Variants in PRKCB observed in about 807,000 individuals in gnomAD.
PRKCB encodes the protein protein kinase C beta type.
A neutral mutation model predicts 81.5 loss-of-function variants in PRKCB; 13 were observed. That is an observed-to-expected ratio of 0.16 (90% confidence interval 0.10 to 0.25). The LOEUF (loss-of-function observed/expected upper bound fraction) is 0.25, where lower values mean the gene tolerates loss of function less well. PRKCB is among the 10% of genes least tolerant of loss of function. PRKCB has a pLI of 1.00. For synonymous variants in PRKCB, 335 were observed against 321.4 expected, an observed-to-expected ratio of 1.04 and a Z score of -0.45; for missense variants, 509 against 875.7, an observed-to-expected ratio of 0.58 and a Z score of 5.29.
At chr16:24,166,874 G>T (rs1321115643) in intron 10 of PRKCB, among the ~76,000 whole-genome samples, 1 of 152,138 alleles carries the variant, frequency 6.6e-6, no homozygotes, top group Non-Finnish European at 1.5e-5. Context: ...GGGTTTCCCT[G>T]CATATGGTTA....
At chr16:24,128,333 C>T (rs967032598) in intron 9 of PRKCB, among the ~76,000 whole-genome samples, 1 of 152,162 alleles carries the variant, frequency 6.6e-6, no homozygotes, top group Non-Finnish European at 1.5e-5. Context: ...CGAGATCGTG[C>T]CACTGCACTC....
chr16:24,165,012 ACTTT>A (rs1475882298), intron 10 of PRKCB, among the ~76,000 whole-genome samples: 1 of 152,092 alleles, frequency 6.6e-6, no homozygotes, highest in Non-Finnish European at 1.5e-5. Context: ...CCTCTCATGC[ACTTT>A]CTTTTATCGC....
At chr16:24,159,738 A>G (rs1256269907) in intron 10 of PRKCB, among the ~76,000 whole-genome samples, 1 of 152,184 alleles carries the variant, frequency 6.6e-6, no homozygotes, top group African/African-American at 2.4e-5. Context: ...TCACACCTGT[A>G]ACACCAGCAC....
intron 5 of PRKCB, among the ~76,000 whole-genome samples, chr16:24,041,424 TACTCC>T (rs1965696446): frequency 6.6e-6 from 1 of 152,190 alleles, no homozygotes; most frequent in Non-Finnish European, 1.5e-5. Flanking sequence ...CTATTATTTA[TACTCC>T]CATCTACATT....
chr16:24,036,543 A>G (rs1308828973), intron 5 of PRKCB, among the ~76,000 whole-genome samples: 9 of 152,124 alleles, frequency 5.9e-5, no homozygotes, highest in Non-Finnish European at 1.2e-4. Context: ...GAGGCCTCAG[A>G]CTGGTTCAGT....
At chr16:24,119,100 A>C (rs1037005662) in intron 8 of PRKCB, among the ~76,000 whole-genome samples, 3 of 149,456 alleles carry the variant, frequency 2.0e-5, no homozygotes, top group Admixed American at 1.3e-4. Flanking sequence ...AACTCTGTGC[A>C]GACCAGACCA....
chr16:24,149,024 G>T (rs1046150471), intron 9 of PRKCB, among the ~76,000 whole-genome samples: 1 of 152,204 alleles, frequency 6.6e-6, no homozygotes. Flanking sequence ...ATCACTGGTT[G>T]GTTGTGGCTT....
At chr16:24,206,352 T>C (rs898580693) in intron 16 of PRKCB, among the ~76,000 whole-genome samples, 1 of 152,180 alleles carries the variant, frequency 6.6e-6, no homozygotes, top group African/African-American at 2.4e-5. Flanking sequence ...AAAAGAAAGA[T>C]GCGCTTGTCT....
chr16:23,906,319 C>A (rs1364276315), intron 2 of PRKCB, among the ~76,000 whole-genome samples: 2 of 152,088 alleles, frequency 1.3e-5, no homozygotes, highest in South Asian at 4.1e-4. Context: ...AGCTCTATTT[C>A]TTTTTCTGTG....
At chr16:24,140,084 A>G (rs563810587) in intron 9 of PRKCB, among the ~76,000 whole-genome samples, 3 of 152,236 alleles carry the variant, frequency 2.0e-5, no homozygotes, top group Non-Finnish European at 4.4e-5. Flanking sequence ...AGGCAAGTGC[A>G]TTTGATTCCT....
At chr16:24,143,315 T>C (rs942354304) in intron 9 of PRKCB, among the ~76,000 whole-genome samples, 1 of 152,048 alleles carries the variant, frequency 6.6e-6, no homozygotes, top group Non-Finnish European at 1.5e-5. Context: ...GTACTTTTAG[T>C]AGAGACGGGG....
At chr16:24,074,154 C>A (rs1966149251) in intron 5 of PRKCB, among the ~76,000 whole-genome samples, 1 of 151,768 alleles carries the variant, frequency 6.6e-6, no homozygotes, top group African/African-American at 2.4e-5. Flanking sequence ...AAAAGAAGAG[C>A]AAGTGATGTG....
At chr16:24,058,257 C>A (rs1308401499) in intron 5 of PRKCB, among the ~76,000 whole-genome samples, 1 of 152,110 alleles carries the variant, frequency 6.6e-6, no homozygotes, top group African/African-American at 2.4e-5. Context: ...TATCCCATTA[C>A]TCTGTTTGCA....
intron 13 of PRKCB, among the ~76,000 whole-genome samples, chr16:24,182,902 T>TGTGTGTG (rs56902454): frequency 1.3e-5 from 2 of 151,444 alleles, no homozygotes; most frequent in South Asian, 2.1e-4. Context: ...TGTGTGTGTG[T>TGTGTGTG]TTGAGACAGG....
rs1020194420 is a variant in PRKCB, at chr16:24,220,197, G to A, written c.*5381G>A. The A allele has an allele frequency of 4.6e-6, 7 of 1,515,498 alleles. No homozygotes were observed. The highest frequency in any genetic ancestry group is 1.7e-4 in the Middle Eastern group (1 of 5,774). 93.9% of individuals were successfully genotyped at this position (1,515,498 alleles called of 1,614,324 possible). On this transcript the variant is annotated 3_prime_UTR_variant, in exon 17 of 17. Transcript: ENST00000643927. ...TCAATTCTAGTCTTCCAGGATTCACGGTGCACATGCTGGCATTCAACATGT... is the reference window on the plus strand; with the variant it reads ...TCAATTCTAGTCTTCCAGGATTCACAGTGCACATGCTGGCATTCAACATGT...
At chr16:24,130,567 A>T (rs1381911617) in intron 9 of PRKCB, among the ~76,000 whole-genome samples, 1 of 152,166 alleles carries the variant, frequency 6.6e-6, no homozygotes, top group Non-Finnish European at 1.5e-5. Flanking sequence ...CCCCAAATAT[A>T]TACTGGCTCA....
chr16:24,032,088 G>T (rs1965557342), intron 3 of PRKCB, 48 bp from the exon 4 acceptor site: 1 of 1,353,764 alleles, frequency 7.4e-7, no homozygotes, highest in Non-Finnish European at 1.1e-6. Context: ...TGAACCGTTG[G>T]CATGCTCCAC....
intron 7 of PRKCB, among the ~76,000 whole-genome samples, chr16:24,104,485 T>A (rs1196624427): frequency 6.6e-6 from 1 of 152,080 alleles, no homozygotes; most frequent in Non-Finnish European, 1.5e-5. Flanking sequence ...CAATTGTAAA[T>A]GAACAAAAAT....
intron 2 of PRKCB, among the ~76,000 whole-genome samples, chr16:23,866,766 T>C (rs1962796897): frequency 6.6e-6 from 1 of 152,230 alleles, no homozygotes; most frequent in South Asian, 2.1e-4. Flanking sequence ...TTCTCCAGAA[T>C]AGCTGGACCA....
Sources: gnomAD v4.1 joint callset for allele counts (sites outside exome capture counted in the v4.1 genomes callset) on GRCh38, gnomAD v4.1.1 for gene constraint, MANE v1.5 for transcripts, NCBI Gene and HGNC (gene_info 2026-07-23, HGNC 2026-07-21) for gene names.